Variants in MYO6 observed in about 807,000 individuals in gnomAD.
MYO6 encodes the protein myosin VI, also known as unconventional myosin-VI.
A neutral mutation model predicts 178.7 loss-of-function variants in MYO6; 74 were observed. The observed-to-expected ratio is 0.41, with a 90% confidence interval of 0.34 to 0.50. The LOEUF (loss-of-function observed/expected upper bound fraction) is 0.50, where lower values mean the gene tolerates loss of function less well. MYO6 is among the 20% of genes least tolerant of loss of function. The pLI is 0.09. For synonymous variants in MYO6, 477 were observed against 504.6 expected (o/e 0.95, Z 0.73); for missense variants, 1,330 against 1,547.4 (o/e 0.86, Z 2.36).
At chr6:75,891,568 C>T (rs1233558150) in intron 27 of MYO6, among the ~76,000 whole-genome samples, 2 of 151,912 alleles carry the variant, frequency 1.3e-5, no homozygotes, top group African/African-American at 4.8e-5. Context: ...GGAGGCAGAG[C>T]TTGCAGTGAG....
chr6:75,783,807 T>C (rs1331500399), intron 1 of MYO6, among the ~76,000 whole-genome samples: 5 of 152,096 alleles, frequency 3.3e-5, no homozygotes, highest in Admixed American at 3.3e-4. Flanking sequence ...TGACCTTTAT[T>C]TGTGAATTTT....
intron 1 of MYO6, among the ~76,000 whole-genome samples, chr6:75,812,349 T>G (rs1397263958): frequency 6.6e-6 from 1 of 152,172 alleles, no homozygotes; most frequent in Non-Finnish European, 1.5e-5. Flanking sequence ...GTGTGTATAT[T>G]ATGGGGTACA....
chr6:75,848,832 T>C (rs1157417956), intron 11 of MYO6, among the ~76,000 whole-genome samples: 1 of 152,164 alleles, frequency 6.6e-6, no homozygotes, highest in Non-Finnish European at 1.5e-5. Flanking sequence ...TTTCCAGTTA[T>C]ATTACACTTT....
chr6:75,837,644 C>A (rs540179480), intron 7 of MYO6, among the ~76,000 whole-genome samples: 1 of 152,310 alleles, frequency 6.6e-6, no homozygotes, highest in East Asian at 1.9e-4. Context: ...GATGTAAAAT[C>A]TGCATGTAGA....
intron 1 of MYO6, among the ~76,000 whole-genome samples, chr6:75,757,175 CAT>C (rs1339639793): frequency 6.2e-5 from 9 of 145,444 alleles, no homozygotes; most frequent in Admixed American, 1.4e-4. Context: ...TATATACACA[CAT>C]ATATACACAC....
rs756355845 is a variant in MYO6 at position 75,866,510 on chromosome 6, A to G, written c.1675-16A>G. 1.3e-6 allele frequency: 2 copies of G among 1,567,830 alleles called. No individual in the cohort carries two copies. The highest frequency in any genetic ancestry group is 2.2e-5 in the South Asian group (2 of 90,142). On this transcript the variant is annotated splice_polypyrimidine_tract_variant and intron_variant, in intron 16 of 34. Coordinates refer to ENST00000369977, the MANE Select transcript of MYO6 (RefSeq NM_004999.4). Reference sequence around the variant, plus strand: ...TTTTTGATCATTTAATAACTCATATATGTATTGTTTTTCAGATTCCCAGAA... The same window carrying G: ...TTTTTGATCATTTAATAACTCATATGTGTATTGTTTTTCAGATTCCCAGAA...
chr6:75,759,466 G>A (rs890105604), intron 1 of MYO6, among the ~76,000 whole-genome samples: 3 of 152,210 alleles, frequency 2.0e-5, no homozygotes, highest in African/African-American at 7.2e-5. Flanking sequence ...GGGAGCTGCG[G>A]TTTTGAAGCA....
At chr6:75,823,382 C>T (rs1458850451) in intron 3 of MYO6, among the ~76,000 whole-genome samples, 1 of 152,146 alleles carries the variant, frequency 6.6e-6, no homozygotes, top group Non-Finnish European at 1.5e-5. Context: ...CTCGATGGAA[C>T]AGGCCAATGT....
chr6:75,764,573 G>A (rs2149998486), intron 1 of MYO6, among the ~76,000 whole-genome samples: 1 of 152,246 alleles, frequency 6.6e-6, no homozygotes. Flanking sequence ...AATTACTGGA[G>A]GGTATAAACT....
At chr6:75,755,211 T>C (rs914225669) in intron 1 of MYO6, among the ~76,000 whole-genome samples, 2 of 152,170 alleles carry the variant, frequency 1.3e-5, no homozygotes, top group Non-Finnish European at 2.9e-5. Context: ...CCAGTCTGGG[T>C]GACAGAGCAA....
chr6:75,890,227 C>G lies in MYO6; in HGVS notation c.2829C>G (p.Asp943Glu). The G allele has an allele frequency of 2.5e-6, 4 of 1,611,538 alleles. No individual in the cohort carries two copies. Among genetic ancestry groups the G allele is most frequent in the Non-Finnish European group, 3.4e-6 (4 of 1,178,152 alleles). ...MEKERKRREE[D>E]EKRRRKEEEE... ...AGGAAAGAAAAAGACGTGAAGAAGA[C>G]GAAAAACGTCGAAGAAAGGAAGAGG... The change falls in exon 26 of 35, where the codon GAC (aspartate) becomes GAG (glutamate). Residue 943 changes from aspartate (D) to glutamate (E), a missense_variant. Coordinates refer to ENST00000369977, the MANE Select transcript of MYO6 (RefSeq NM_004999.4).
intron 16 of MYO6, among the ~76,000 whole-genome samples, chr6:75,864,695 G>A (rs142021448): frequency 6.6e-4 from 100 of 152,308 alleles, no homozygotes; most frequent in African/African-American, 2.3e-3. Context: ...GTAAACTGAA[G>A]CATCAAGAAT....
intron 28 of MYO6, among the ~76,000 whole-genome samples, chr6:75,893,563 G>T (rs1779070974): frequency 1.3e-5 from 2 of 151,984 alleles, no homozygotes; most frequent in Non-Finnish European, 2.9e-5. Context: ...GGAATATTTG[G>T]CAAAAAAACA....
At chr6:75,753,910 G>C (rs562087735) in intron 1 of MYO6, among the ~76,000 whole-genome samples, 3 of 152,150 alleles carry the variant, frequency 2.0e-5, no homozygotes, top group East Asian at 3.9e-4. Flanking sequence ...TTTTCTTATT[G>C]ATTAGTGTAA....
In MYO6 at chr6:75,911,711, G is replaced by A; in HGVS notation, c.3439+13G>A. On this transcript the variant is annotated intron_variant, in intron 33 of 34. Transcript: ENST00000369977. ...TTGAACAATTCACGTAAGTCAATGGGTGGTAACTCATGAGCTAACTGGAAG... is the reference window on the plus strand; with the variant it reads ...TTGAACAATTCACGTAAGTCAATGGATGGTAACTCATGAGCTAACTGGAAG... The A allele has an allele frequency of 6.2e-7, 1 of 1,610,188 alleles. No homozygotes were observed. The highest frequency in any genetic ancestry group is 1.1e-5 in the South Asian group (1 of 90,952).
intron 1 of MYO6, among the ~76,000 whole-genome samples, chr6:75,810,278 G>T (rs1770565054): frequency 2.0e-5 from 3 of 152,142 alleles, no homozygotes; most frequent in African/African-American, 7.2e-5. Context: ...ATTCTCTACA[G>T]ATGCAAATTT....
At chr6:75,765,735 A>C (rs1489668804) in intron 1 of MYO6, among the ~76,000 whole-genome samples, 1 of 151,972 alleles carries the variant, frequency 6.6e-6, no homozygotes, top group African/African-American at 2.4e-5. Flanking sequence ...AGAACTTCAA[A>C]AAAAAGAAAA....
intron 1 of MYO6, among the ~76,000 whole-genome samples, chr6:75,754,430 G>A (rs182301372): frequency 2.2e-5 from 3 of 135,202 alleles, no homozygotes; most frequent in African/African-American, 8.1e-5. Flanking sequence ...CAAGGCATGA[G>A]AATCACTTGA....
chr6:75,891,939 T>G (rs748778961), intron 27 of MYO6, among the ~76,000 whole-genome samples: 5 of 152,222 alleles, frequency 3.3e-5, no homozygotes, highest in Non-Finnish European at 7.3e-5. Context: ...TAAAGCATTG[T>G]GAACACTGTG....
Sources: gnomAD v4.1 joint callset for allele counts (sites outside exome capture counted in the v4.1 genomes callset) on GRCh38, gnomAD v4.1.1 for gene constraint, MANE v1.5 for transcripts, NCBI Gene and HGNC (gene_info 2026-07-23, HGNC 2026-07-21) for gene names.